Variants in MLIP observed in about 807,000 individuals in gnomAD.
MLIP encodes muscular LMNA-interacting protein.
In MLIP, 79 loss-of-function variants were observed where a neutral mutation model predicts 84.8. The observed-to-expected ratio is 0.93, with a 90% CI of 0.78 to 1.12. The LOEUF is 1.12. Among genes scored for constraint, MLIP ranks in the 50% most tolerant of loss-of-function variants. MLIP has a pLI of 0.00. For missense variants in MLIP, 1,257 were observed against 1,160.6 expected, an observed-to-expected ratio of 1.08 and a Z score of -1.21; for synonymous variants, 504 against 463.0, an observed-to-expected ratio of 1.09 and a Z score of -1.14.
At chr6:54,151,762 A>G (rs1773468367) in intron 5 of MLIP, among the ~76,000 whole-genome samples, 1 of 152,182 alleles carries the variant, frequency 6.6e-6, no homozygotes, top group East Asian at 1.9e-4. Flanking sequence ...TCTACAGCAT[A>G]TAGTATAATT....
chr6:54,058,722 G>A (rs1164070574), intron 1 of MLIP, among the ~76,000 whole-genome samples: 1 of 152,176 alleles, frequency 6.6e-6, no homozygotes, highest in African/African-American at 2.4e-5. Context: ...AGAAGAAACA[G>A]CTCTCTTTTC....
chr6:54,216,754 C>G, intron 11 of MLIP: 4 of 985,272 alleles, frequency 4.1e-6, no homozygotes, highest in Non-Finnish European at 4.8e-6. Flanking sequence ...ATGGATTCTC[C>G]AAAATTTGGG....
chr6:54,142,820 GA>G (rs1181867119), intron 4 of MLIP, among the ~76,000 whole-genome samples: 1 of 151,986 alleles, frequency 6.6e-6, no homozygotes, highest in Non-Finnish European at 1.5e-5. Flanking sequence ...TTATAGCAGT[GA>G]AGGTGAAGAT....
intron 1 of MLIP, among the ~76,000 whole-genome samples, chr6:54,030,928 G>A: frequency 6.6e-6 from 1 of 152,082 alleles, no homozygotes; most frequent in Non-Finnish European, 1.5e-5. Context: ...ACACAGTAGG[G>A]GAATTAGTTA....
intron 12 of MLIP, among the ~76,000 whole-genome samples, chr6:54,247,573 A>C (rs1226633789): frequency 6.6e-6 from 1 of 152,154 alleles, no homozygotes; most frequent in Non-Finnish European, 1.5e-5. Flanking sequence ...CATAAAGGAG[A>C]TGGTAAAAGG....
intron 12 of MLIP, among the ~76,000 whole-genome samples, chr6:54,237,614 G>A (rs1376781084): frequency 1.3e-5 from 2 of 150,956 alleles, no homozygotes; most frequent in African/African-American, 2.4e-5. Context: ...GAGAAGCCAA[G>A]GTGGGAGGAT....
At chr6:54,186,503 T>A (rs901732261) in intron 9 of MLIP, among the ~76,000 whole-genome samples, 11 of 152,228 alleles carry the variant, frequency 7.2e-5, no homozygotes, top group African/African-American at 2.7e-4. Flanking sequence ...TGTCTGAGAC[T>A]GGGTAATTTA....
chr6:54,221,216 C>T (rs1382223565), intron 11 of MLIP, among the ~76,000 whole-genome samples: 2 of 151,982 alleles, frequency 1.3e-5, no homozygotes, highest in Non-Finnish European at 2.9e-5. Flanking sequence ...GAGGCTAAAC[C>T]AACTCATACC....
At chr6:54,202,467 GT>G (rs200419162) in intron 11 of MLIP, among the ~76,000 whole-genome samples, 2,349 of 140,804 alleles carry the variant, frequency 0.017, 44 homozygotes, top group African/African-American at 0.052. Flanking sequence ...ATTTTAATGT[GT>G]TTTTTTTTTT....
At chr6:54,153,399 T>C (rs944821775) in intron 5 of MLIP, among the ~76,000 whole-genome samples, 15 of 152,076 alleles carry the variant, frequency 9.9e-5, no homozygotes, top group African/African-American at 3.1e-4. Flanking sequence ...AATTCTAGTC[T>C]CAAGCAAACC....
At chr6:54,030,607 T>C (rs1764074413) in intron 1 of MLIP, 1 of 152,038 alleles carries the variant, frequency 6.6e-6, no homozygotes, top group South Asian at 2.1e-4. Flanking sequence ...TATCATACTA[T>C]ATGCCTCTTA....
At chr6:54,114,114 C>T (rs559511088) in intron 1 of MLIP, among the ~76,000 whole-genome samples, 76 of 152,296 alleles carry the variant, frequency 5.0e-4, no homozygotes, top group Non-Finnish European at 7.9e-4. Context: ...TTCCTTAAAA[C>T]GCCCAGGCCA....
chr6:54,114,216 C>T (rs1417465691), intron 1 of MLIP, among the ~76,000 whole-genome samples: 1 of 152,182 alleles, frequency 6.6e-6, no homozygotes, highest in African/African-American at 2.4e-5. Context: ...TTTGTGTTTA[C>T]ATCTTTATTG....
At chr6:54,134,018 C>A (rs1771605981) in intron 3 of MLIP, among the ~76,000 whole-genome samples, 1 of 151,940 alleles carries the variant, frequency 6.6e-6, no homozygotes. Context: ...CTAGAACAGC[C>A]TTGAGGGAGA....
In MLIP at chr6:54,202,170, A is replaced by C. The variant is rs748127681; in HGVS notation, c.2655A>C (p.Glu885Asp). The C allele has an allele frequency of 3.7e-6, 6 of 1,602,752 alleles. No individual in the cohort carries two copies. The South Asian group carries it at 5.6e-5, about 15-fold the overall frequency. ...GAATATTACTGAAAAAAGAGGAGGA[A>C]GTCTATGAACCCAACCCTTTCAGTA... ...KSRILLKKEE[E>D]VYEPNPFSKY... Residue 885 changes from glutamate (E) to aspartate (D), a missense_variant, in exon 11 of 14, where the codon GAA (glutamate) becomes GAC (aspartate). Transcript: ENST00000502396.
At chr6:54,105,867 A>G (rs1470338925) in intron 1 of MLIP, among the ~76,000 whole-genome samples, 1 of 151,914 alleles carries the variant, frequency 6.6e-6, no homozygotes, top group Non-Finnish European at 1.5e-5. Flanking sequence ...AAAAGGGGAG[A>G]GTGGTAGGTG....
chr6:54,120,722 G>A (rs941422824), intron 1 of MLIP, among the ~76,000 whole-genome samples: 1 of 151,894 alleles, frequency 6.6e-6, no homozygotes, highest in Non-Finnish European at 1.5e-5. Context: ...CTTTTCAACT[G>A]GACTTAAATT....
chr6:54,159,584 A>G (rs1237637648), intron 5 of MLIP, among the ~76,000 whole-genome samples: 1 of 152,086 alleles, frequency 6.6e-6, no homozygotes, highest in Non-Finnish European at 1.5e-5. Flanking sequence ...CCTTACGGGT[A>G]GTCCCTTATC....
chr6:54,206,450 C>A (rs534531115), intron 11 of MLIP, among the ~76,000 whole-genome samples: 1 of 151,948 alleles, frequency 6.6e-6, no homozygotes, highest in African/African-American at 2.4e-5. Context: ...ATAACACTTT[C>A]CAGCATGTAT....
Sources: gnomAD v4.1 joint callset for allele counts (sites outside exome capture counted in the v4.1 genomes callset) on GRCh38, gnomAD v4.1.1 for gene constraint, MANE v1.5 for transcripts, NCBI Gene and HGNC (gene_info 2026-07-23, HGNC 2026-07-21) for gene names.